The following CWH43 variants were observed in gnomAD, a reference collection of about 807,000 sequenced individuals.
The protein encoded by CWH43 is PGAP2-interacting protein.
A neutral mutation model predicts 85.7 loss-of-function variants in CWH43; 91 were observed. That is an observed-to-expected ratio of 1.06 (90% confidence interval 0.90 to 1.26). The LOEUF (loss-of-function observed/expected upper bound fraction) is 1.26. Ranked by LOEUF, CWH43 falls within the 50% of genes most tolerant of loss-of-function variation. The pLI is 0.00. For missense variants in CWH43, 869 were observed against 839.2 expected (o/e 1.04, Z -0.44); for synonymous variants, 323 against 293.6 (o/e 1.10, Z -1.02).
chr4:49,038,787 G>C (rs921683218), intron 13 of CWH43, among the ~76,000 whole-genome samples: 13 of 152,176 alleles, frequency 8.5e-5, no homozygotes, highest in South Asian at 2.1e-4. Context: ...GGCTGGGTGC[G>C]GTGGCTCACG....
intron 15 of CWH43, among the ~76,000 whole-genome samples, chr4:49,057,567 A>C (rs1173248855): frequency 2.0e-5 from 3 of 152,076 alleles, no homozygotes. Context: ...TTTCATTTGC[A>C]CTTGAAAAGA....
chr4:49,002,283 T>C (rs1465278304), intron 6 of CWH43, among the ~76,000 whole-genome samples: 1 of 152,178 alleles, frequency 6.6e-6, no homozygotes, highest in East Asian at 1.9e-4. Context: ...AAGCTTGACA[T>C]AGGAACCTTC....
chr4:49,030,723 C>A (rs1250037329), intron 10 of CWH43, 102 bp from the exon 11 acceptor site: 4 of 1,129,310 alleles, frequency 3.5e-6, no homozygotes, highest in Admixed American at 3.0e-5. Flanking sequence ...TTGGGTTTAT[C>A]AGTAAAGAAA....
At chr4:49,039,097 A>T (rs373843962) in intron 13 of CWH43, among the ~76,000 whole-genome samples, 1 of 114,296 alleles carries the variant, frequency 8.7e-6, no homozygotes, top group African/African-American at 2.8e-5. Flanking sequence ...AAATAAATAA[A>T]TAATAAATAA....
chr4:49,036,320 G>T (rs186067535), intron 12 of CWH43, among the ~76,000 whole-genome samples: 7 of 152,278 alleles, frequency 4.6e-5, no homozygotes, highest in Non-Finnish European at 7.4e-5. Context: ...ATGAATGTGG[G>T]CTGGGGAAAT....
chr4:49,055,918 T>C (rs1032802102), intron 15 of CWH43, among the ~76,000 whole-genome samples: 1 of 151,564 alleles, frequency 6.6e-6, no homozygotes, highest in African/African-American at 2.4e-5. Flanking sequence ...TTTTTCTTTT[T>C]TTTTTTTTTA....
At chr4:49,046,537 C>T (rs1318816618) in intron 14 of CWH43, among the ~76,000 whole-genome samples, 1 of 151,894 alleles carries the variant, frequency 6.6e-6, no homozygotes, top group Non-Finnish European at 1.5e-5. Context: ...ATAATAAATC[C>T]AGGTGAGAAG....
chr4:49,034,252 G>T (rs1283370293), intron 12 of CWH43, among the ~76,000 whole-genome samples: 1 of 152,008 alleles, frequency 6.6e-6, no homozygotes, highest in Admixed American at 6.6e-5. Flanking sequence ...TCATTCCCAT[G>T]ACCTTATGTT....
At chr4:48,989,697 T>TATAGGTGTGAGCCACTGCTCATA (rs1782597825) in intron 2 of CWH43, among the ~76,000 whole-genome samples, 1 of 152,150 alleles carries the variant, frequency 6.6e-6, no homozygotes, top group South Asian at 2.1e-4. Context: ...GTGCTGAGAT[T>TATAGGTGTGAGCCACTGCTCATA]ATAGGTGTGA....
intron 7 of CWH43, 107 bp from the exon 8 acceptor site, chr4:49,007,094 G>C (rs1441444677): frequency 7.7e-7 from 1 of 1,292,346 alleles, no homozygotes; most frequent in African/African-American, 1.5e-5. Context: ...ATCAGTACAT[G>C]AATTTCCAGG....
intron 14 of CWH43, among the ~76,000 whole-genome samples, chr4:49,048,285 T>TATATAC (rs1177524966): frequency 3.3e-5 from 5 of 151,722 alleles, no homozygotes; most frequent in Non-Finnish European, 7.4e-5. Flanking sequence ...AGTTTATATA[T>TATATAC]ATATACACAC....
Position 49,030,877 on chromosome 4 carries a change from G to C in CWH43, c.1425G>C (p.Gly475=). 1 of 1,609,944 alleles carries C rather than the reference G, an allele frequency of 6.2e-7. No homozygotes were observed. The highest frequency in any genetic ancestry group is 8.5e-7 in the Non-Finnish European group (1 of 1,178,558). Residue 475 remains glycine (G), a synonymous_variant, in exon 11 of 16, where the codon GGG becomes GGC. Transcript: ENST00000226432. ...LESDASKPYM[G]NNDLTMWLGE... The stretch of plus-strand genomic sequence containing the variant: ...GTGATGCTTCTAAGCCCTATATGGG[G>C]AACAATGACTTAACCATGTGGCTAG...
At chr4:49,030,783 C>A in intron 10 of CWH43, 42 bp from the exon 11 acceptor site, 1 of 1,497,144 alleles carries the variant, frequency 6.7e-7, no homozygotes, top group Non-Finnish European at 8.9e-7. Context: ...TTTTGCCTTG[C>A]TGTGATTCAT....
intron 4 of CWH43, among the ~76,000 whole-genome samples, chr4:48,993,857 C>A (rs767099150): frequency 1.3e-5 from 2 of 152,054 alleles, no homozygotes; most frequent in African/African-American, 4.8e-5. Context: ...CAGGTTCAAG[C>A]GATTCTCCTG....
intron 4 of CWH43, among the ~76,000 whole-genome samples, chr4:48,993,838 C>T (rs1352843099): frequency 6.6e-6 from 1 of 152,048 alleles, no homozygotes; most frequent in African/African-American, 2.4e-5. Context: ...CACTGCAACC[C>T]CTGCCTCCCA....
At chr4:49,007,437 C>T in intron 8 of CWH43, 111 bp downstream of exon 8, 1 of 1,257,844 alleles carries the variant, frequency 8.0e-7, no homozygotes, top group African/African-American at 1.5e-5. Flanking sequence ...TTCAGCAATT[C>T]TCAACATTTT....
chr4:49,054,816 T>C (rs1437955116), intron 15 of CWH43, among the ~76,000 whole-genome samples: 2 of 152,114 alleles, frequency 1.3e-5, no homozygotes, highest in Non-Finnish European at 2.9e-5. Context: ...TGGTAGTACA[T>C]AGAAATGCTA....
intron 8 of CWH43, among the ~76,000 whole-genome samples, chr4:49,012,039 G>T (rs540237085): frequency 6.6e-6 from 1 of 152,130 alleles, no homozygotes; most frequent in Non-Finnish European, 1.5e-5. Flanking sequence ...GGTTGGGGAA[G>T]TTCTTCTGGA....
chr4:49,005,206 C>A (rs553430495), intron 7 of CWH43, among the ~76,000 whole-genome samples: 1 of 152,128 alleles, frequency 6.6e-6, no homozygotes, highest in East Asian at 1.9e-4. Context: ...TATTTTTACA[C>A]ATTTTTATCT....
Sources: gnomAD v4.1 joint callset for allele counts (sites outside exome capture counted in the v4.1 genomes callset) on GRCh38, gnomAD v4.1.1 for gene constraint, MANE v1.5 for transcripts, NCBI Gene and HGNC (gene_info 2026-07-23, HGNC 2026-07-21) for gene names.